Variants in ARHGAP12 observed in about 807,000 individuals in gnomAD.
The protein encoded by ARHGAP12 is rho GTPase-activating protein 12.
A neutral mutation model predicts 108.6 loss-of-function variants in ARHGAP12; 64 were observed. The observed-to-expected ratio is 0.59, with a 90% CI of 0.48 to 0.73. ARHGAP12 has a LOEUF of 0.73. ARHGAP12 is among the 30% of genes least tolerant of loss of function. The probability of loss-of-function intolerance (pLI) is 0.00; values close to 1 mark genes in which losing one functional copy is unlikely to be tolerated. For missense variants in ARHGAP12, 940 were observed against 1,005.9 expected (o/e 0.93, Z 0.89); for synonymous variants, 312 against 337.2 (o/e 0.93, Z 0.82).
intron 1 of ARHGAP12, among the ~76,000 whole-genome samples, chr10:31,916,200 C>T (rs2132479235): frequency 6.6e-6 from 1 of 152,268 alleles, no homozygotes; most frequent in Middle Eastern, 3.4e-3. Context: ...TACCCAACTC[C>T]CAGTATATAC....
rs1257940457 is a variant in ARHGAP12 at position 31,806,137 on chromosome 10, G to A, written c.*1521C>T. On this transcript the variant is annotated 3_prime_UTR_variant, in exon 20 of 20. Transcript: ENST00000344936. ...AAATAAAAAGTGTACGTTGTGGGTG[G>A]AGAAATGTTGGCATGGAAGAGAGGA... 1 of 152,140 alleles carries A rather than the reference G, an allele frequency of 6.6e-6. No homozygotes were observed. Among genetic ancestry groups the A allele is most frequent in the Admixed American group, 6.5e-5 (1 of 15,270 alleles). The allele number at this position is 152,140 out of a possible 1,614,324, so 9.4% of individuals were successfully genotyped here.
rs139618997 is a variant in ARHGAP12, at chr10:31,812,825, T to G, written c.1835-2A>C. The G allele has an allele frequency of 3.0e-5, 45 of 1,524,376 alleles. 2 individuals are homozygous for G. In the South Asian group the frequency reaches 5.5e-4, roughly 19 times the overall value. 94.4% of individuals were successfully genotyped at this position (1,524,376 alleles called of 1,614,324 possible). A position where few individuals can be genotyped will look rare whatever the true frequency, so the allele number is the denominator to read the frequency against. On this transcript the variant is annotated splice_acceptor_variant, in intron 14 of 19. Coordinates refer to ENST00000344936, the MANE Select transcript of ARHGAP12 (RefSeq NM_018287.7). LOFTEE classifies it high-confidence loss of function. ...AATCTATGCTAGATACTTTAAAGGC[T>G]TAAGACAAAAAGACAGGTAATGAGC...
chr10:31,863,778 C>T (rs1430984176), intron 3 of ARHGAP12, among the ~76,000 whole-genome samples: 1 of 151,998 alleles, frequency 6.6e-6, no homozygotes, highest in East Asian at 1.9e-4. Context: ...TAGATAAACA[C>T]GATCATCTCT....
In ARHGAP12 at chr10:31,910,133, C is replaced by T. The variant is rs184351904; in HGVS notation, c.-72+392G>A. Among the ~76,000 whole-genome samples the T allele has an allele frequency of 2.6e-5, 4 of 152,210 alleles. No individual in the cohort carries two copies. The East Asian group carries it at 5.8e-4, about 22-fold the overall frequency. On this transcript the variant is annotated intron_variant, in intron 2 of 19. Coordinates refer to ENST00000344936, the MANE Select transcript of ARHGAP12 (RefSeq NM_018287.7). ...TGATTTTGGACTTCTAGCCTCCAGACCAGTGAGAGAATAAAAATAACTGTC... is the reference window on the plus strand; with the variant it reads ...TGATTTTGGACTTCTAGCCTCCAGATCAGTGAGAGAATAAAAATAACTGTC...
At chr10:31,839,033 CG>C (rs376688114) in intron 9 of ARHGAP12, among the ~76,000 whole-genome samples, 19 of 150,948 alleles carry the variant, frequency 1.3e-4, no homozygotes, top group African/African-American at 4.1e-4. Context: ...AAAACGGTAA[CG>C]AAAAAAAACC....
Position 31,809,005 on chromosome 10 carries a change from A to G in ARHGAP12, c.2252T>C (p.Val751Ala). 6.3e-7 allele frequency: 1 copy of G among 1,587,208 alleles called. No homozygotes were observed. Among genetic ancestry groups the G allele is most frequent in the Non-Finnish European group, 8.6e-7 (1 of 1,161,096 alleles). ...AATTACATACTTACTAATTGCATTAACAAAATCATTAAAATGATTAAATGT... is the reference window on the plus strand; with the variant it reads ...AATTACATACTTACTAATTGCATTAGCAAAATCATTAAAATGATTAAATGT... ...LFTFNHFNDF[V>A]NAIKQEPRQR... Residue 751 changes from valine (V) to alanine (A), a missense_variant, in exon 18 of 20, where the codon GTT becomes GCT. Physicochemically the swap from Val to Ala is moderately conservative, Grantham distance 64. Transcript: ENST00000344936.
At chr10:31,813,649 G>C (rs1225419672) in intron 14 of ARHGAP12, among the ~76,000 whole-genome samples, 1 of 148,124 alleles carries the variant, frequency 6.8e-6, no homozygotes, top group Non-Finnish European at 1.5e-5. Context: ...GTTAAACGTG[G>C]ATTTGTTAAA....
intron 1 of ARHGAP12, among the ~76,000 whole-genome samples, chr10:31,917,622 C>T (rs1003639794): frequency 1.3e-5 from 2 of 152,194 alleles, no homozygotes; most frequent in Non-Finnish European, 2.9e-5. Flanking sequence ...CATTCAATTA[C>T]TTGCATGTGT....
intron 4 of ARHGAP12, among the ~76,000 whole-genome samples, chr10:31,854,985 AAGG>A (rs542231961): frequency 2.0e-3 from 264 of 134,548 alleles, no homozygotes; most frequent in African/African-American, 5.2e-3. Flanking sequence ...AAAGAAGAAC[AAGG>A]AGGAGGAGGA....
At chr10:31,840,107 G>T (rs541899461) in intron 7 of ARHGAP12, among the ~76,000 whole-genome samples, 2 of 152,050 alleles carry the variant, frequency 1.3e-5, no homozygotes, top group Admixed American at 6.5e-5. Context: ...AAATACCCAG[G>T]ATTAGGCAAG....
intron 1 of ARHGAP12, among the ~76,000 whole-genome samples, chr10:31,925,203 CTA>C (rs1265368702): frequency 1.3e-5 from 2 of 152,148 alleles, no homozygotes; most frequent in African/African-American, 2.4e-5. Flanking sequence ...TACAAAAAAA[CTA>C]TTATCATCAT....
chr10:31,841,403 G>A (rs1316318500), intron 7 of ARHGAP12, among the ~76,000 whole-genome samples: 1 of 152,102 alleles, frequency 6.6e-6, no homozygotes, highest in Non-Finnish European at 1.5e-5. Context: ...TAAGGTGATG[G>A]GAAAGTGATA....
At chr10:31,886,453 A>G (rs1838193568) in intron 3 of ARHGAP12, among the ~76,000 whole-genome samples, 2 of 152,174 alleles carry the variant, frequency 1.3e-5, no homozygotes, top group Admixed American at 1.3e-4. Context: ...TTTAAATATA[A>G]CACCTAAGAT....
At chr10:31,907,015 A>G (rs1245147084) in intron 3 of ARHGAP12, among the ~76,000 whole-genome samples, 2 of 152,128 alleles carry the variant, frequency 1.3e-5, no homozygotes, top group African/African-American at 4.8e-5. Flanking sequence ...GATCTCAAAC[A>G]CTAGAAGTTT....
intron 10 of ARHGAP12, among the ~76,000 whole-genome samples, chr10:31,828,441 G>T (rs1835707213): frequency 6.6e-6 from 1 of 151,560 alleles, no homozygotes. Flanking sequence ...TTAATTTTTT[G>T]TAAATTCATT....
chr10:31,878,274 G>A (rs1837809977), intron 3 of ARHGAP12, among the ~76,000 whole-genome samples: 1 of 152,238 alleles, frequency 6.6e-6, no homozygotes, highest in South Asian at 2.1e-4. Context: ...CCTGAATGAG[G>A]TTGTAATCAT....
intron 1 of ARHGAP12, among the ~76,000 whole-genome samples, chr10:31,920,386 G>C (rs1475902584): frequency 7.0e-6 from 1 of 142,076 alleles, no homozygotes; most frequent in African/African-American, 2.7e-5. Flanking sequence ...GGAGGCAGAG[G>C]TTGCAGTGAG....
At chr10:31,832,519 C>G (rs570727509) in intron 9 of ARHGAP12, among the ~76,000 whole-genome samples, 1 of 152,332 alleles carries the variant, frequency 6.6e-6, no homozygotes, top group South Asian at 2.1e-4. Context: ...TCAAGAAGCA[C>G]TTTCTCACTG....
chr10:31,907,099 T>C (rs1839161777), intron 3 of ARHGAP12, among the ~76,000 whole-genome samples: 1 of 152,066 alleles, frequency 6.6e-6, no homozygotes, highest in African/African-American at 2.4e-5. Flanking sequence ...AGAAAGAATA[T>C]ACTTCCATGA....
Sources: allele counts gnomAD v4.1 joint callset (sites outside exome capture counted in the v4.1 genomes callset), GRCh38; gene constraint gnomAD v4.1.1; transcripts MANE v1.5; gene names NCBI Gene and HGNC (gene_info 2026-07-23, HGNC 2026-07-21).